The following GPR137 variants were observed in gnomAD, a reference collection of about 807,000 sequenced individuals.
GPR137 encodes integral membrane protein GPR137.
GPR137 carries 20 observed loss-of-function variants against 38.9 expected under a neutral mutation model. That is an observed-to-expected ratio of 0.51 (90% confidence interval 0.36 to 0.75). GPR137 has a LOEUF of 0.75. Ranked by LOEUF, GPR137 falls within the 30% of genes least tolerant of loss-of-function variation. The pLI, the probability that GPR137 is intolerant of heterozygous loss-of-function variation, is 0.00. For missense variants in GPR137, 456 were observed against 526.4 expected (o/e 0.87, Z 1.31); for synonymous variants, 226 against 235.8 (o/e 0.96, Z 0.38).
chr11:64,285,086 G>A, upstream of GPR137: 2 of 1,079,430 alleles, frequency 1.9e-6, no homozygotes, highest in Non-Finnish European at 2.3e-6. Context: ...GCTTGGCACA[G>A]CCACAACTGA....
At chr11:64,284,974 C>T (rs1047993749), upstream of GPR137, 4 of 1,371,290 alleles carry the variant, frequency 2.9e-6, no homozygotes, top group Admixed American at 3.2e-5. Context: ...GTCCTTCAGC[C>T]CCTCTGGGCC....
upstream of GPR137, chr11:64,275,593 A>T (rs1299079756): frequency 6.6e-6 from 1 of 152,146 alleles, no homozygotes; most frequent in Admixed American, 6.5e-5. Flanking sequence ...TGTTGTACAG[A>T]TGAGGAAACA....
chr11:64,284,687 G>C (rs28417526), upstream of GPR137: 33 of 1,535,502 alleles, frequency 2.1e-5, no homozygotes, highest in Non-Finnish European at 2.7e-5. Flanking sequence ...CCAGCACCCC[G>C]GGCTCCGGGC....
At chr11:64,283,867 T>C (rs1386988809), upstream of GPR137, among the ~76,000 whole-genome samples, 1 of 152,142 alleles carries the variant, frequency 6.6e-6, no homozygotes, top group East Asian at 1.9e-4. Context: ...ACTTCTGGGC[T>C]CAAGCGATCC....
chr11:64,283,754 C>A (rs562629494), upstream of GPR137, among the ~76,000 whole-genome samples: 7 of 152,248 alleles, frequency 4.6e-5, no homozygotes, highest in East Asian at 1.2e-3. Flanking sequence ...TCACTGCCTG[C>A]CTGTCACTGA....
chr11:64,274,058 G>C (rs1478492978), upstream of GPR137, among the ~76,000 whole-genome samples: 1 of 152,134 alleles, frequency 6.6e-6, no homozygotes, highest in East Asian at 1.9e-4. Context: ...GGGCCTCCAG[G>C]GGTCCCAGCT....
At chr11:64,285,311 G>C, upstream of GPR137, 1 of 985,858 alleles carries the variant, frequency 1.0e-6, no homozygotes, top group Non-Finnish European at 1.2e-6. Flanking sequence ...CGCGGGAGGA[G>C]GGCCGGGGAC....
chr11:64,276,674 G>C (rs1041518083), intron 2 of GPR137: 47 of 526,744 alleles, frequency 8.9e-5, no homozygotes, highest in Admixed American at 4.6e-4. Context: ...AAAAACCCTG[G>C]GGGAGTGTCT....
At chr11:64,285,374 C>A (rs1347678202), upstream of GPR137, 10 of 984,906 alleles carry the variant, frequency 1.0e-5, no homozygotes, top group East Asian at 2.3e-4. Flanking sequence ...GGCAGGCGGC[C>A]GGCCAGGTGA....
upstream of GPR137, chr11:64,271,863 C>G (rs2032653844): frequency 1.6e-5 from 20 of 1,276,642 alleles, no homozygotes; most frequent in South Asian, 3.9e-4. Context: ...AGCCCCTGGC[C>G]CTGCCTGAAC....
upstream of GPR137, chr11:64,284,745 C>G: frequency 6.5e-7 from 1 of 1,535,760 alleles, no homozygotes; most frequent in Non-Finnish European, 8.7e-7. Flanking sequence ...GCCCAATCAC[C>G]TCTCGGAACG....
Position 64,289,185 on chromosome 11 carries a change from C to G in GPR137, c.1180C>G (p.Pro394Ala). The change falls in exon 7 of 7, where the codon CCA becomes GCA. Residue 394 changes from proline to alanine, a missense_variant. Physicochemically the swap from Pro to Ala is conservative, Grantham distance 27. Coordinates refer to ENST00000438980, the MANE Select transcript of GPR137 (RefSeq NM_001170880.2). The stretch of plus-strand genomic sequence containing the variant: ...CCACCACCACAGTCTCTACTCCACC[C>G]CACAGACGTGATCCCCCTCCCTCCC... ...GGHHHSLYSTPQT is the reference protein window; with the variant it reads ...GGHHHSLYSTAQT The G allele has an allele frequency of 6.2e-7, 1 of 1,613,430 alleles. No individual in the cohort carries two copies. Among genetic ancestry groups the G allele is most frequent in the Non-Finnish European group, 8.5e-7 (1 of 1,179,544 alleles).
At chr11:64,284,887 C>T (rs2033781156), upstream of GPR137, 4 of 1,451,740 alleles carry the variant, frequency 2.8e-6, no homozygotes, top group Non-Finnish European at 1.8e-6. Context: ...TGCCTCACAC[C>T]TTGGGCGTGT....
At position 64,289,319 on chromosome 11, in the gene GPR137, C is replaced by A. The variant is rs761684438; in HGVS notation, c.*123C>A. On this transcript the variant is annotated 3_prime_UTR_variant, in exon 7 of 7. Coordinates refer to ENST00000438980, the MANE Select transcript of GPR137 (RefSeq NM_001170880.2). ...GGTCGTGGCTACCCCCTCCTCTGGC[C>A]GGCTCCTTGCTGCTCCTGTCATAGT... 2 of 1,609,908 alleles carry A rather than the reference C, an allele frequency of 1.2e-6. No homozygotes were observed. Among genetic ancestry groups the A allele is most frequent in the Non-Finnish European group, 1.7e-6 (2 of 1,178,032 alleles).
At chr11:64,287,467 C>A in intron 2 of GPR137, 1 of 584,708 alleles carries the variant, frequency 1.7e-6, no homozygotes, top group Non-Finnish European at 2.2e-6. Context: ...GGTAAGACAG[C>A]AGGATCAAGG....
At position 64,288,599 on chromosome 11, in the gene GPR137, C is replaced by G. The variant is rs1219950546; in HGVS notation, c.913-4C>G. The G allele has an allele frequency of 6.2e-6, 10 of 1,613,152 alleles. No homozygotes were observed. Among genetic ancestry groups the G allele is most frequent in the Admixed American group, 5.0e-5 (3 of 59,944 alleles). On this transcript the variant is annotated splice_region_variant and splice_polypyrimidine_tract_variant and intron_variant, in intron 5 of 6. Transcript: ENST00000438980. This position sits in a 1 kb window ranked among gnomAD's most constrained non-coding sequence, Gnocchi z 5.5. Reference sequence around the variant, plus strand: ...TAAGTATCGATGATGGCTTCCTCCCCCAGAGCACCAGCCACATCCTCAATG... The same window carrying G: ...TAAGTATCGATGATGGCTTCCTCCCGCAGAGCACCAGCCACATCCTCAATG...
intron 1 of GPR137, chr11:64,275,764 G>A (rs2033013513): frequency 6.6e-6 from 1 of 151,980 alleles, no homozygotes; most frequent in African/African-American, 2.4e-5. Flanking sequence ...TGGAAGGTGA[G>A]TGACTTGCAC....
upstream of GPR137, among the ~76,000 whole-genome samples, chr11:64,283,105 C>G (rs547061553): frequency 6.6e-6 from 1 of 152,236 alleles, no homozygotes; most frequent in South Asian, 2.1e-4. Flanking sequence ...GGGGTCCAAT[C>G]TGAGAGAATC....
upstream of GPR137, chr11:64,285,835 G>C (rs776266259): frequency 2.6e-5 from 26 of 985,154 alleles, no homozygotes; most frequent in Non-Finnish European, 3.0e-5. Flanking sequence ...CAGGCGCGGA[G>C]GGGGAGGGGG....
Sources: allele counts gnomAD v4.1 joint callset (sites outside exome capture counted in the v4.1 genomes callset), GRCh38; gene constraint gnomAD v4.1.1; non-coding constraint Gnocchi (gnomAD v3.1); transcripts MANE v1.5; gene names NCBI Gene and HGNC (gene_info 2026-07-23, HGNC 2026-07-21).